PDE4D: variants seen among roughly 807,000 people sequenced by gnomAD.
PDE4D encodes the protein phosphodiesterase 4D.
In PDE4D, 24 loss-of-function variants were observed where a neutral mutation model predicts 87.4. That is an observed-to-expected ratio of 0.27 (90% CI 0.20 to 0.39). The LOEUF (loss-of-function observed/expected upper bound fraction) is 0.39, where lower values mean the gene tolerates loss of function less well. PDE4D is among the 10% of genes least tolerant of loss of function. PDE4D has a pLI of 1.00. For missense variants in PDE4D, 714 were observed against 1,041.0 expected (o/e 0.69, Z 4.32); for synonymous variants, 384 against 383.2 (o/e 1.00, Z -0.02).
intron 5 of PDE4D, among the ~76,000 whole-genome samples, chr5:59,127,460 A>G (rs910463697): frequency 4.6e-5 from 7 of 151,978 alleles, no homozygotes; most frequent in Admixed American, 6.6e-5. Flanking sequence ...ATTTAGGTTA[A>G]TGAGCCCAGG....
At chr5:59,802,396 CTTT>C (rs60356253) in intron 1 of PDE4D, among the ~76,000 whole-genome samples, 10,961 of 110,482 alleles carry the variant, frequency 0.099, 1,282 homozygotes, top group African/African-American at 0.34. Flanking sequence ...CTTCCATATT[CTTT>C]TTTTTTTTTT....
intron 1 of PDE4D, among the ~76,000 whole-genome samples, chr5:59,441,673 T>C (rs1267016840): frequency 6.6e-5 from 10 of 152,222 alleles, no homozygotes; most frequent in Non-Finnish European, 1.5e-5. Context: ...TGTACATCTA[T>C]GAATAAGGCT....
At chr5:59,115,713 T>C (rs190374720) in intron 5 of PDE4D, among the ~76,000 whole-genome samples, 8 of 152,314 alleles carry the variant, frequency 5.3e-5, no homozygotes, top group Admixed American at 4.6e-4. Context: ...ATAGTTAGGA[T>C]GTATATTGTT....
intron 1 of PDE4D, among the ~76,000 whole-genome samples, chr5:60,207,898 T>C (rs1389826027): frequency 6.6e-6 from 1 of 152,228 alleles, no homozygotes; most frequent in Non-Finnish European, 1.5e-5. Flanking sequence ...GTATACTGAA[T>C]TTTGACCCAA....
chr5:59,238,867 T>C (rs1757055890), intron 1 of PDE4D, among the ~76,000 whole-genome samples: 1 of 152,206 alleles, frequency 6.6e-6, no homozygotes, highest in Non-Finnish European at 1.5e-5. Flanking sequence ...CTTTTGACTT[T>C]AAGACAGTAA....
chr5:60,101,502 G>A (rs563789636), intron 2 of PDE4D, among the ~76,000 whole-genome samples: 2 of 152,144 alleles, frequency 1.3e-5, no homozygotes, highest in Admixed American at 6.5e-5. Flanking sequence ...GAAGGTAAAC[G>A]AGTGAATTTC....
At chr5:59,668,902 A>AGAG (rs1580292814) in intron 1 of PDE4D, among the ~76,000 whole-genome samples, 1 of 76,768 alleles carries the variant, frequency 1.3e-5, no homozygotes, top group East Asian at 2.0e-3. Context: ...AAGAAGAAGA[A>AGAG]GAAGAAGAAG....
At chr5:60,067,936 A>G (rs532978900) in intron 2 of PDE4D, among the ~76,000 whole-genome samples, 74 of 152,144 alleles carry the variant, frequency 4.9e-4, no homozygotes, top group Non-Finnish European at 8.5e-4. Context: ...ATAGTCCACT[A>G]TTTATATACC....
chr5:59,789,972 C>T (rs1765603453), intron 1 of PDE4D, among the ~76,000 whole-genome samples: 1 of 152,180 alleles, frequency 6.6e-6, no homozygotes, highest in South Asian at 2.1e-4. Flanking sequence ...AGAGTTCTTT[C>T]TGTACGTTTC....
chr5:59,025,286 A>G (rs1258439630), intron 6 of PDE4D, among the ~76,000 whole-genome samples: 1 of 152,058 alleles, frequency 6.6e-6, no homozygotes. Flanking sequence ...ATTGCAGTTC[A>G]TTTTTTCCCT....
intron 1 of PDE4D, among the ~76,000 whole-genome samples, chr5:59,288,520 G>A (rs1581780365): frequency 6.6e-6 from 1 of 151,878 alleles, no homozygotes; most frequent in East Asian, 1.9e-4. Flanking sequence ...AAGAGAGATG[G>A]GGGTAGAAAA....
At chr5:59,460,881 C>G (rs1800676128) in intron 1 of PDE4D, among the ~76,000 whole-genome samples, 1 of 152,146 alleles carries the variant, frequency 6.6e-6, no homozygotes, top group African/African-American at 2.4e-5. Context: ...TACAAGTCTC[C>G]TCTCTTCTAG....
At chr5:59,275,976 A>G in intron 1 of PDE4D, 1 of 985,366 alleles carries the variant, frequency 1.0e-6, no homozygotes, top group Non-Finnish European at 1.2e-6. Context: ...TTTACCTGCG[A>G]AAGTAATTTC....
chr5:59,930,586 T>C (rs1258929696), intron 3 of PDE4D, among the ~76,000 whole-genome samples: 1 of 152,224 alleles, frequency 6.6e-6, no homozygotes, highest in Non-Finnish European at 1.5e-5. Context: ...TCTGTTGTTT[T>C]AAACCACCCA....
At chr5:59,885,843 T>C (rs188955102) in intron 1 of PDE4D, among the ~76,000 whole-genome samples, 4 of 152,294 alleles carry the variant, frequency 2.6e-5, no homozygotes, top group Admixed American at 2.6e-4. Context: ...TACCAACCTA[T>C]ACTCACAGTA....
rs184703385 is a variant in PDE4D, at chr5:60,369,979, C to G, written c.-90+117963G>C. On this transcript the variant is annotated intron_variant, in intron 1 of 16. Coordinates refer to the PDE4D transcript ENST00000502484. ...TCCACAGATGTCATTTGTAATTAGGCCTTATCATGAGCATTCCTAGCATTA... is the reference window on the plus strand; with the variant it reads ...TCCACAGATGTCATTTGTAATTAGGGCTTATCATGAGCATTCCTAGCATTA... Among the ~76,000 whole-genome samples, 9 of 152,152 alleles carry G rather than the reference C, an allele frequency of 5.9e-5. No homozygotes were observed. In the East Asian group the frequency reaches 1.7e-3, roughly 29 times the overall value.
chr5:59,742,187 C>T (rs1758944909), intron 1 of PDE4D, among the ~76,000 whole-genome samples: 1 of 152,084 alleles, frequency 6.6e-6, no homozygotes, highest in African/African-American at 2.4e-5. Context: ...CCTCAGCCTC[C>T]TGAGTAGCTG....
chr5:59,814,681 C>A (rs373322608), intron 1 of PDE4D, among the ~76,000 whole-genome samples: 1 of 152,178 alleles, frequency 6.6e-6, no homozygotes, highest in African/African-American at 2.4e-5. Flanking sequence ...CCAGACCTCT[C>A]GCCACAAAAG....
intron 1 of PDE4D, chr5:59,586,527 C>T: frequency 6.3e-6 from 9 of 1,417,696 alleles, no homozygotes; most frequent in Non-Finnish European, 8.3e-6. Context: ...AAAAATCTCC[C>T]CCCACCAATA....
Sources: allele counts gnomAD v4.1 joint callset (sites outside exome capture counted in the v4.1 genomes callset), GRCh38; gene constraint gnomAD v4.1.1; transcripts MANE v1.5; gene names NCBI Gene and HGNC (gene_info 2026-07-23, HGNC 2026-07-21).